HELQ: variants seen among roughly 807,000 people sequenced by gnomAD.
HELQ encodes the protein helicase POLQ-like.
HELQ carries 77 observed loss-of-function variants against 111.6 expected under a neutral mutation model. The ratio of observed to expected loss-of-function variants is 0.69; its 90% CI spans 0.57 to 0.83. HELQ has a LOEUF of 0.83. Ranked by LOEUF, HELQ falls within the 40% of genes least tolerant of loss-of-function variation. The pLI is 0.00. For missense variants in HELQ, 1,200 were observed against 1,288.5 expected (o/e 0.93, Z 1.05); for synonymous variants, 438 against 454.7 (o/e 0.96, Z 0.47).
At chr4:83,437,196 A>G in intron 8 of HELQ, 99 bp from the exon 9 acceptor site, 2 of 1,137,276 alleles carry the variant, frequency 1.8e-6, no homozygotes, top group South Asian at 3.0e-5. Flanking sequence ...ACATTCTTTA[A>G]TGTACTATTT....
chr4:83,429,388 ATCCGC>A, intron 12 of HELQ, 131 bp downstream of exon 12: 1 of 641,392 alleles, frequency 1.6e-6, no homozygotes, highest in Non-Finnish European at 2.7e-6. Flanking sequence ...ACCTCAAGTG[ATCCGC>A]TCCCCTTGGC....
intron 4 of HELQ, among the ~76,000 whole-genome samples, chr4:83,446,329 G>C (rs545262559): frequency 1.3e-5 from 2 of 151,782 alleles, no homozygotes; most frequent in Non-Finnish European, 2.9e-5. Flanking sequence ...TTTTTTAAAC[G>C]GAGTTTGGCT....
chr4:83,443,485 A>C (rs780135278), intron 6 of HELQ, 32 bp downstream of exon 6: 3 of 981,690 alleles, frequency 3.1e-6, no homozygotes, highest in Admixed American at 2.4e-5. Context: ...AATACGAAAC[A>C]AATCAATACA....
intron 17 of HELQ, among the ~76,000 whole-genome samples, chr4:83,413,441 C>CT (rs1017898444): frequency 3.9e-5 from 6 of 152,066 alleles, no homozygotes; most frequent in Admixed American, 2.0e-4. Context: ...ACAAAAAAGA[C>CT]TTTGAGTTTT....
At chr4:83,422,836 G>A (rs186580318) in intron 14 of HELQ, among the ~76,000 whole-genome samples, 65 of 152,282 alleles carry the variant, frequency 4.3e-4, no homozygotes, top group African/African-American at 1.6e-3. Context: ...GTGTACGTAT[G>A]TGATTATTAT....
intron 15 of HELQ, among the ~76,000 whole-genome samples, chr4:83,420,422 T>C (rs1390025763): frequency 6.6e-6 from 1 of 152,154 alleles, no homozygotes. Flanking sequence ...CGCTTCAGCC[T>C]GAAGTTCAAG....
chr4:83,426,818 G>A (rs187897442), intron 13 of HELQ, among the ~76,000 whole-genome samples: 53 of 152,154 alleles, frequency 3.5e-4, no homozygotes, highest in African/African-American at 1.2e-3. Flanking sequence ...CTCCCACCTT[G>A]GCCTCCCAAA....
chr4:83,424,101 G>A (rs1015626371), intron 14 of HELQ, among the ~76,000 whole-genome samples: 2 of 151,998 alleles, frequency 1.3e-5, no homozygotes, highest in Admixed American at 1.3e-4. Flanking sequence ...ATTAAGATAA[G>A]TTCATGTCCA....
At chr4:83,429,216 G>A (rs544233750) in intron 12 of HELQ, among the ~76,000 whole-genome samples, 13 of 152,044 alleles carry the variant, frequency 8.6e-5, no homozygotes, top group Admixed American at 5.2e-4. Flanking sequence ...GTGTGATCTC[G>A]ACTCACTGCA....
Position 83,436,836 on chromosome 4 carries a change from T to C in HELQ, c.2048+22A>G, listed in dbSNP as rs189025484. ...AGAAATGGAAAAGTTCTGAGCCTGG[T>C]CAACACTTACTTATCTCTTACCTTC... On this transcript the variant is annotated intron_variant, in intron 9 of 17. Transcript: ENST00000295488. 47 of 1,599,738 alleles carry C rather than the reference T, an allele frequency of 2.9e-5. No homozygotes were observed. The East Asian group carries it at 9.4e-4, about 32-fold the overall frequency.
At chr4:83,427,061 A>T (rs1190884692) in intron 13 of HELQ, among the ~76,000 whole-genome samples, 1 of 152,080 alleles carries the variant, frequency 6.6e-6, no homozygotes, top group African/African-American at 2.4e-5. Context: ...ATGTAATTAA[A>T]CTCTAAATCA....
intron 10 of HELQ, 61 bp downstream of exon 10, chr4:83,432,065 A>C: frequency 9.5e-7 from 1 of 1,056,370 alleles, no homozygotes; most frequent in Non-Finnish European, 1.3e-6. Flanking sequence ...ATTTCATAAA[A>C]GGGCTAGACC....
chr4:83,424,813 C>A (rs1719757617), intron 14 of HELQ, among the ~76,000 whole-genome samples: 1 of 152,118 alleles, frequency 6.6e-6, no homozygotes, highest in Non-Finnish European at 1.5e-5. Flanking sequence ...CCTCGGCCTC[C>A]CAAAGTGCTG....
At chr4:83,424,109 C>T (rs1488438028) in intron 14 of HELQ, among the ~76,000 whole-genome samples, 1 of 151,944 alleles carries the variant, frequency 6.6e-6, no homozygotes, top group Non-Finnish European at 1.5e-5. Context: ...AAGTTCATGT[C>T]CATACTATTT....
chr4:83,446,721 A>G, intron 4 of HELQ, 114 bp downstream of exon 4: 1 of 632,190 alleles, frequency 1.6e-6, no homozygotes, highest in South Asian at 2.5e-5. Flanking sequence ...TATATTTTCA[A>G]ATAAATTTAT....
chr4:83,447,884 A>G (rs558739150), intron 3 of HELQ, among the ~76,000 whole-genome samples: 1 of 150,138 alleles, frequency 6.7e-6, no homozygotes, highest in African/African-American at 2.5e-5. Context: ...AAGCATCAGA[A>G]TAACTCATTT....
rs538898863 is a variant in HELQ, at chr4:83,451,583, G to A, written c.1012+1648C>T. Among the ~76,000 whole-genome samples the A allele has an allele frequency of 1.8e-4, 27 of 151,974 alleles. No individual in the cohort carries two copies. In the South Asian group the frequency reaches 3.9e-3, roughly 22 times the overall value. On this transcript the variant is annotated intron_variant, in intron 2 of 17. Transcript: ENST00000295488. ...GGGGAGTCTGATGCAGGAAAATGGC[G>A]CGAACCCAGGAGGCGGAGCTTGCAG... is the stretch of plus-strand genomic sequence containing the variant.
chr4:83,432,749 C>T (rs1441051706), intron 9 of HELQ, among the ~76,000 whole-genome samples: 1 of 152,090 alleles, frequency 6.6e-6, no homozygotes, highest in African/African-American at 2.4e-5. Context: ...TTTTGACCTA[C>T]AAAAATGGTG....
chr4:83,448,373 T>C (rs992775770), intron 3 of HELQ, among the ~76,000 whole-genome samples: 8 of 152,082 alleles, frequency 5.3e-5, no homozygotes, highest in Admixed American at 1.3e-4. Flanking sequence ...TTCTCCATCA[T>C]TAAGAGGTAC....
Sources: gnomAD v4.1 joint callset for allele counts (sites outside exome capture counted in the v4.1 genomes callset) on GRCh38, gnomAD v4.1.1 for gene constraint, MANE v1.5 for transcripts, NCBI Gene and HGNC (gene_info 2026-07-23, HGNC 2026-07-21) for gene names.